Variants in WEE1 observed in about 807,000 individuals in gnomAD.
The protein encoded by WEE1 is WEE1 G2 checkpoint kinase, also known as wee1-like protein kinase.
Under a neutral mutation model 68.8 loss-of-function variants are expected in WEE1, and 16 were observed. The ratio of observed to expected loss-of-function variants is 0.23; its 90% CI spans 0.16 to 0.35. The LOEUF (loss-of-function observed/expected upper bound fraction) is 0.35, where lower values mean the gene tolerates loss of function less well. Ranked by LOEUF, WEE1 falls within the 10% of genes least tolerant of loss-of-function variation. The pLI, the probability that WEE1 is intolerant of heterozygous loss-of-function variation, is 1.00. For missense variants in WEE1, 651 were observed against 824.1 expected, an observed-to-expected ratio of 0.79 and a Z score of 2.57; for synonymous variants, 349 against 318.7, an observed-to-expected ratio of 1.09 and a Z score of -1.01.
intron 5 of WEE1, chr11:9,577,658 A>T (rs964071973): frequency 1.2e-5 from 4 of 326,932 alleles, no homozygotes; most frequent in African/African-American, 2.2e-5. Context: ...GCTAAAACTG[A>T]TGTTTGTTAG....
intron 5 of WEE1, chr11:9,578,971 ATC>A (rs1849594980): frequency 6.6e-6 from 1 of 151,248 alleles, no homozygotes; most frequent in Non-Finnish European, 1.5e-5. Flanking sequence ...CAGTGGCGCA[ATC>A]TCTGCTCACT....
intron 6 of WEE1, among the ~76,000 whole-genome samples, chr11:9,583,753 ACG>A (rs368149320): frequency 0.11 from 10,311 of 90,180 alleles, 925 homozygotes; most frequent in East Asian, 0.16. Flanking sequence ...GTGTGCGTGC[ACG>A]CGCGCGCACA....
intron 8 of WEE1, among the ~76,000 whole-genome samples, chr11:9,585,933 T>C (rs1221283094): frequency 6.6e-6 from 1 of 152,268 alleles, no homozygotes. Context: ...AAGTAAATTA[T>C]GGCACATAGT....
In WEE1 at chr11:9,586,792, A is replaced by C; in HGVS notation, c.1723A>C (p.Lys575Gln). Reference sequence around the variant, plus strand: ...TTCAGTATTGCTGTCCGCTTCTAGAAAGAGTGCAGAACAATTACGAATAGA... The same window carrying C: ...TTCAGTATTGCTGTCCGCTTCTAGACAGAGTGCAGAACAATTACGAATAGA... ...KHSVLLSASR[K>Q]SAEQLRIELN... The change falls in exon 10 of 11, where the codon AAG becomes CAG. Residue 575 changes from lysine (K) to glutamine (Q), a missense_variant. Around this residue, in one of 5 missense-constraint regions of WEE1, gnomAD observed 115 missense variants for 142.7 expected, o/e 0.81. Transcript: ENST00000450114. The C allele has an allele frequency of 6.2e-7, 1 of 1,614,058 alleles. No homozygotes were observed. Among genetic ancestry groups the C allele is most frequent in the Non-Finnish European group, 8.5e-7 (1 of 1,180,004 alleles).
chr11:9,577,355 CT>C, intron 5 of WEE1, 92 bp downstream of exon 5: 1 of 1,432,452 alleles, frequency 7.0e-7, no homozygotes. Flanking sequence ...ATTTCTGTCA[CT>C]TTTATCTTTT....
chr11:9,574,247 CG>C lies in WEE1; in HGVS notation c.317del (p.Gly106AlafsTer128). The C allele has an allele frequency of 8.3e-7, 1 of 1,202,648 alleles. No individual in the cohort carries two copies. Among genetic ancestry groups the C allele is most frequent in the Non-Finnish European group, 1.0e-6 (1 of 967,630 alleles). 74.5% of individuals were successfully genotyped at this position (1,202,648 alleles called of 1,614,324 possible). On this transcript the variant is annotated frameshift_variant, in exon 1 of 11. Coordinates refer to ENST00000450114, the MANE Select transcript of WEE1 (RefSeq NM_003390.4). LOFTEE classifies it high-confidence loss of function. This position sits in a 1 kb window ranked among gnomAD's most constrained non-coding sequence, Gnocchi z 4.9. ...LPGACPGADE[A>X]GGGAEGDSWE... ...GGCGCCTGCCCGGGCGCGGACGAGGCGGGCGGTGGGGCGGAGGGCGACTCGT... is the reference window on the plus strand; with the variant it reads ...GGCGCCTGCCCGGGCGCGGACGAGGCGGCGGTGGGGCGGAGGGCGACTCGT...
chr11:9,585,882 G>C (rs1849694649), intron 8 of WEE1, among the ~76,000 whole-genome samples: 2 of 152,142 alleles, frequency 1.3e-5, no homozygotes, highest in Non-Finnish European at 2.9e-5. Flanking sequence ...AATACAAGTT[G>C]AGAACAGTGT....
chr11:9,574,481 G>A lies in WEE1; in HGVS notation c.548G>A (p.Arg183Gln). 1.0e-5 allele frequency: 13 copies of A among 1,258,256 alleles called. No individual in the cohort carries two copies. The highest frequency in any genetic ancestry group is 1.2e-5 in the Non-Finnish European group (12 of 1,002,586). The allele number at this position is 1,258,256 out of a possible 1,614,324, so 77.9% of individuals were successfully genotyped here. The part of the protein sequence containing the change: ...TPPHKTFRKL[R>Q]LFDTPHTPKS... ...CCACACAAGACCTTCCGCAAGCTGCGACTCTTCGACACCCCGCACACGCCC... is the reference window on the plus strand; with the variant it reads ...CCACACAAGACCTTCCGCAAGCTGCAACTCTTCGACACCCCGCACACGCCC... The change falls in exon 1 of 11, where the codon CGA becomes CAA. Residue 183 changes from arginine (R) to glutamine (Q), a missense_variant. Arg to Gln is a conservative substitution (Grantham distance 43). Transcript: ENST00000450114. This position sits in a 1 kb window ranked among gnomAD's most constrained non-coding sequence, Gnocchi z 4.9.
At position 9,576,274 on chromosome 11, in the gene WEE1, A is replaced by G. The variant is rs1322974894; in HGVS notation, c.827A>G (p.Asp276Gly). Reference sequence around the variant, plus strand: ...GAAGCCAGTGATTATGAGCTTGAAGATGAAACAAGACCTGCTAAGGTAAAT... The same window carrying G: ...GAAGCCAGTGATTATGAGCTTGAAGGTGAAACAAGACCTGCTAAGGTAAAT... ...DMEASDYELEDETRPAKRITI... is the reference protein window; with the variant it reads ...DMEASDYELEGETRPAKRITI... The change falls in exon 3 of 11, where the codon GAT becomes GGT. Residue 276 changes from aspartate to glycine, a missense_variant. This residue lies in a region of WEE1 where 395 missense variants were observed against 378.4 expected (regional missense o/e 1.04). Transcript: ENST00000450114. The surrounding 1 kb of genome is among the most constrained non-coding windows in gnomAD (Gnocchi z 4.3). 1.3e-6 allele frequency: 2 copies of G among 1,522,386 alleles called. No homozygotes were observed. Among genetic ancestry groups the G allele is most frequent in the Non-Finnish European group, 1.8e-6 (2 of 1,120,298 alleles). 94.3% of individuals were successfully genotyped at this position (1,522,386 alleles called of 1,614,324 possible). A position where few individuals can be genotyped will look rare whatever the true frequency, so the allele number is the denominator to read the frequency against.
chr11:9,575,307 G>T (rs1167157749), intron 1 of WEE1: 6 of 987,368 alleles, frequency 6.1e-6, no homozygotes, highest in Non-Finnish European at 7.2e-6. Flanking sequence ...AGATTTTAAA[G>T]CTGATACTTC....
chr11:9,580,331 A>T (rs1849611298), intron 5 of WEE1: 1 of 152,116 alleles, frequency 6.6e-6, no homozygotes, highest in Non-Finnish European at 1.5e-5. Flanking sequence ...TAGGTGATAT[A>T]CTAAATGTAC....
At position 9,574,469 on chromosome 11, in the gene WEE1, T is replaced by C; in HGVS notation, c.536T>C (p.Phe179Ser). 7.9e-7 allele frequency: 1 copy of C among 1,259,042 alleles called. No individual in the cohort carries two copies. Among genetic ancestry groups the C allele is most frequent in the Non-Finnish European group, 1.0e-6 (1 of 1,003,172 alleles). The allele number at this position is 1,259,042 out of a possible 1,614,324, so 78.0% of individuals were successfully genotyped here. Residue 179 changes from phenylalanine (F) to serine (S), a missense_variant, in exon 1 of 11, where the codon TTC becomes TCC. By Grantham distance (155) the Phe-to-Ser change is radical. This residue lies in a region of WEE1 where 395 missense variants were observed against 378.4 expected (regional missense o/e 1.04). Transcript: ENST00000450114. The surrounding 1 kb of genome is among the most constrained non-coding windows in gnomAD (Gnocchi z 4.9). ...DHPGTPPHKT[F>S]RKLRLFDTPH... ...CCGGGCACCCCGCCACACAAGACCT[T>C]CCGCAAGCTGCGACTCTTCGACACC...
rs375227451 is a variant in WEE1 at position 9,575,896 on chromosome 11, C to T, written c.585C>T (p.Leu195=). ...TATTTTTCTTTCCCTAGAGTTTGCT[C>T]TCCAAAGCTCGGGGAATTGATTCCA... The part of the protein sequence containing the change: ...FDTPHTPKSL[L]SKARGIDSSS... The change falls in exon 2 of 11, where the codon CTC becomes CTT. Residue 195 remains leucine (L), a synonymous_variant. Coordinates refer to ENST00000450114, the MANE Select transcript of WEE1 (RefSeq NM_003390.4). 6.2e-7 allele frequency: 1 copy of T among 1,614,066 alleles called. No individual in the cohort carries two copies. Among genetic ancestry groups the T allele is most frequent in the Non-Finnish European group, 8.5e-7 (1 of 1,179,970 alleles).
chr11:9,575,648 T>A (rs1223603072), intron 1 of WEE1: 5 of 518,100 alleles, frequency 9.7e-6, no homozygotes, highest in Non-Finnish European at 1.7e-5. Flanking sequence ...AGCATTTATA[T>A]TCTTTTTAGG....
Position 9,575,947 on chromosome 11 carries a change from T to C in WEE1, c.636T>C (p.Ser212=). Residue 212 remains serine (S), a synonymous_variant, in exon 2 of 11, where the codon TCT becomes TCC. Transcript: ENST00000450114. ...GCTCTGTTAAACTCCGGGGTAGTTC[T>C]CTCTTCATGGATACAGAAAAATCAG... ...DSSSVKLRGS[S]LFMDTEKSGK... 6.2e-7 allele frequency: 1 copy of C among 1,614,210 alleles called. No homozygotes were observed. Among genetic ancestry groups the C allele is most frequent in the Non-Finnish European group, 8.5e-7 (1 of 1,180,038 alleles).
chr11:9,579,231 C>T (rs765395866), intron 5 of WEE1: 1 of 152,158 alleles, frequency 6.6e-6, no homozygotes, highest in Non-Finnish European at 1.5e-5. Context: ...CTTTGTGTGG[C>T]TATTTGTCCT....
chr11:9,584,941 A>T (rs932538357), intron 6 of WEE1, among the ~76,000 whole-genome samples: 1 of 152,164 alleles, frequency 6.6e-6, no homozygotes, highest in Non-Finnish European at 1.5e-5. Flanking sequence ...TAGATGTGGC[A>T]TGTGCCTGTA....
chr11:9,574,409 C>G lies in WEE1; in HGVS notation c.476C>G (p.Ala159Gly). The change falls in exon 1 of 11, where the codon GCG becomes GGG. Residue 159 changes from alanine (A) to glycine (G), a missense_variant. Ala to Gly is a moderately conservative substitution (Grantham distance 60). This residue lies in a region of WEE1 where 395 missense variants were observed against 378.4 expected (regional missense o/e 1.04). Coordinates refer to ENST00000450114, the MANE Select transcript of WEE1 (RefSeq NM_003390.4). The surrounding 1 kb of genome is among the most constrained non-coding windows in gnomAD (Gnocchi z 4.9). The part of the protein sequence containing the change: ...ASPRGCGARR[A>G]GEGRRSPRPD... ...CCGCGGGGTTGCGGGGCGCGCCGGG[C>G]GGGCGAAGGCCGCCGCTCGCCGCGG... 1 of 1,211,824 alleles carries G rather than the reference C, an allele frequency of 8.3e-7. No homozygotes were observed. The highest frequency in any genetic ancestry group is 1.0e-6 in the Non-Finnish European group (1 of 979,838). The allele number at this position is 1,211,824 out of a possible 1,614,324, so 75.1% of individuals were successfully genotyped here. A position where few individuals can be genotyped will look rare whatever the true frequency, so the allele number is the denominator to read the frequency against.
chr11:9,588,989 A>T lies in WEE1; in HGVS notation c.*387A>T. The T allele has an allele frequency of 1.0e-6, 1 of 986,322 alleles. No individual in the cohort carries two copies. Among genetic ancestry groups the T allele is most frequent in the South Asian group, 4.7e-5 (1 of 21,324 alleles). The allele number at this position is 986,322 out of a possible 1,614,324, so 61.1% of individuals were successfully genotyped here. Reference sequence around the variant, plus strand: ...CCTTTGAAAAGGGACATGCTAAAAGACTCATTACTACTCAGCCTTCAATGT... The same window carrying T: ...CCTTTGAAAAGGGACATGCTAAAAGTCTCATTACTACTCAGCCTTCAATGT... On this transcript the variant is annotated 3_prime_UTR_variant, in exon 11 of 11. Coordinates refer to ENST00000450114, the MANE Select transcript of WEE1 (RefSeq NM_003390.4).
Sources: allele counts gnomAD v4.1 joint callset (sites outside exome capture counted in the v4.1 genomes callset), GRCh38; gene constraint gnomAD v4.1.1; regional missense constraint gnomAD v4.1.1; non-coding constraint Gnocchi (gnomAD v3.1); transcripts MANE v1.5; gene names NCBI Gene and HGNC (gene_info 2026-07-23, HGNC 2026-07-21).